TJP1: variants seen among roughly 807,000 people sequenced by gnomAD.
The protein encoded by TJP1 is tight junction protein 1, also known as tight junction protein ZO-1.
TJP1 carries 43 observed loss-of-function variants against 194.2 expected under a neutral mutation model. The observed-to-expected ratio is 0.22, with a 90% CI of 0.17 to 0.29. The LOEUF (loss-of-function observed/expected upper bound fraction) is 0.29. Ranked by LOEUF, TJP1 falls within the 10% of genes least tolerant of loss-of-function variation. TJP1 has a pLI of 1.00. For missense variants in TJP1, 1,971 were observed against 2,185.7 expected (o/e 0.90, Z 1.96); for synonymous variants, 801 against 779.0 (o/e 1.03, Z -0.47).
intron 18 of TJP1, among the ~76,000 whole-genome samples, chr15:29,724,463 T>A (rs948143910): frequency 6.6e-6 from 1 of 152,242 alleles, no homozygotes; most frequent in Non-Finnish European, 1.5e-5. Flanking sequence ...TGGGCAAGAA[T>A]AACTTAGAAC....
At chr15:29,854,455 C>T (rs534811391) in intron 2 of TJP1, among the ~76,000 whole-genome samples, 18 of 152,020 alleles carry the variant, frequency 1.2e-4, no homozygotes, top group Middle Eastern at 3.4e-3. Flanking sequence ...AAGATTGGTC[C>T]GAGACAAAAG....
At chr15:29,722,007 T>C (rs1595625559) in intron 18 of TJP1, among the ~76,000 whole-genome samples, 2 of 152,236 alleles carry the variant, frequency 1.3e-5, no homozygotes, top group Non-Finnish European at 1.5e-5. Context: ...TGTGTTCATA[T>C]GTGTGCACAA....
In TJP1 at chr15:29,918,486, G is replaced by C. The variant is rs148296488; in HGVS notation, c.306+37746C>G. On this transcript the variant is annotated intron_variant, in intron 2 of 28. Coordinates refer to the TJP1 transcript ENST00000356107. ...GCAGTGACTCACGCCTGTAATCCGA[G>C]TACTGTGGGGGACCAAGGCGGGTGG... is the stretch of plus-strand genomic sequence containing the variant. Among the ~76,000 whole-genome samples, 25 of 152,320 alleles carry C rather than the reference G, an allele frequency of 1.6e-4. No homozygotes were observed. In the East Asian group the frequency reaches 1.7e-3, roughly 11 times the overall value.
At chr15:29,800,355 TA>T (rs2048702267) in intron 2 of TJP1, 1 of 352,142 alleles carries the variant, frequency 2.8e-6, no homozygotes, top group Non-Finnish European at 5.0e-6. Flanking sequence ...CAGTTTATAA[TA>T]ATTTATACTA....
At chr15:29,780,960 T>A in intron 2 of TJP1, among the ~76,000 whole-genome samples, 1 of 149,438 alleles carries the variant, frequency 6.7e-6, no homozygotes, top group Non-Finnish European at 1.5e-5. Context: ...GCAAACCAAC[T>A]CCAGAGCTAG....
In TJP1 at chr15:29,718,537, A is replaced by G; in HGVS notation, c.3605T>C (p.Val1202Ala). Residue 1202 changes from valine to alanine, a missense_variant, in exon 21 of 28, where the codon GTA becomes GCA. Physicochemically the swap from Val to Ala is moderately conservative, Grantham distance 64 (BLOSUM62 0). Transcript: ENST00000614355. The stretch of plus-strand genomic sequence containing the variant: ...TCTAGAGGTAAATCCTTGGGGTGGT[A>G]CTTGCTCGTAACTGCGTGAATATTG... ...FEQYSRSYEQVPPQGFTSRAG... is the reference protein window; with the variant it reads ...FEQYSRSYEQAPPQGFTSRAG... The G allele has an allele frequency of 1.2e-6, 2 of 1,614,156 alleles. No individual in the cohort carries two copies.
intron 2 of TJP1, among the ~76,000 whole-genome samples, chr15:29,877,415 C>T (rs2052742278): frequency 6.6e-6 from 1 of 152,204 alleles, no homozygotes; most frequent in Non-Finnish European, 1.5e-5. Flanking sequence ...CAGGGTCTCA[C>T]TTTGTTGCCC....
In TJP1 at chr15:29,719,041, TCTTTGTCTGGC is replaced by T; in HGVS notation, c.3090_3100del (p.Pro1031AlafsTer2). 1 of 1,614,210 alleles carries T rather than the reference TCTTTGTCTGGC, an allele frequency of 6.2e-7. No individual in the cohort carries two copies. Among genetic ancestry groups the T allele is most frequent in the Non-Finnish European group, 8.5e-7 (1 of 1,180,042 alleles). ...TTGGGGTTCATAGGTCAGATTAGGC[TCTTTGTCTGGC>T]CTGTGCCCTGGGTGACTAACGGCTG... On this transcript the variant is annotated frameshift_variant, in exon 21 of 28. Transcript: ENST00000614355. LOFTEE classifies it high-confidence loss of function.
chr15:29,887,446 C>A (rs1327895828), intron 2 of TJP1, among the ~76,000 whole-genome samples: 1 of 151,620 alleles, frequency 6.6e-6, no homozygotes. Context: ...ATTACAGGCA[C>A]GTGCCACCAA....
chr15:29,760,910 A>T (rs987540368), intron 8 of TJP1, among the ~76,000 whole-genome samples: 2 of 152,234 alleles, frequency 1.3e-5, no homozygotes, highest in African/African-American at 4.8e-5. Flanking sequence ...GCAGTTGAGC[A>T]GTGAAAAGAA....
intron 2 of TJP1, among the ~76,000 whole-genome samples, chr15:29,877,187 T>C (rs1357958386): frequency 6.6e-6 from 1 of 152,276 alleles, no homozygotes; most frequent in Non-Finnish European, 1.5e-5. Context: ...AAACTGGTTT[T>C]AACATTTGAC....
At chr15:29,913,233 T>C (rs1243159392) in intron 2 of TJP1, among the ~76,000 whole-genome samples, 2 of 151,968 alleles carry the variant, frequency 1.3e-5, no homozygotes, top group Non-Finnish European at 1.5e-5. Flanking sequence ...AAAGACCAGA[T>C]TAAATACACT....
chr15:29,796,371 C>T (rs1180106582), intron 2 of TJP1, among the ~76,000 whole-genome samples: 1 of 148,352 alleles, frequency 6.7e-6, no homozygotes. Context: ...ACCTGCATTT[C>T]TACACAGTAA....
chr15:29,881,537 T>A (rs1263289669), intron 2 of TJP1, among the ~76,000 whole-genome samples: 1 of 152,210 alleles, frequency 6.6e-6, no homozygotes. Flanking sequence ...TTTACCTTGA[T>A]AGATACTTTA....
At chr15:29,910,831 T>C (rs1377654099) in intron 2 of TJP1, among the ~76,000 whole-genome samples, 6 of 152,200 alleles carry the variant, frequency 3.9e-5, no homozygotes, top group South Asian at 2.1e-4. Flanking sequence ...TTGTCAATTA[T>C]ATGTGATGGG....
chr15:29,838,308 C>A (rs1049872008), intron 2 of TJP1, among the ~76,000 whole-genome samples: 1 of 152,142 alleles, frequency 6.6e-6, no homozygotes, highest in African/African-American at 2.4e-5. Context: ...ATCTATAATT[C>A]CAGCTACTTG....
intron 2 of TJP1, among the ~76,000 whole-genome samples, chr15:29,919,910 T>C (rs1879895): frequency 0.16 from 24,452 of 151,864 alleles, 2,273 homozygotes; most frequent in East Asian, 0.34. Context: ...GTGGGGGAGA[T>C]GACACAAGAC....
chr15:29,968,079 A>C lies in TJP1; in HGVS notation c.173+588T>G. On this transcript the variant is annotated intron_variant, in intron 1 of 28. Transcript: ENST00000356107. ...AGTAAGGTCCAGACATTTTTCTTTA[A>C]GGATGTTTTTTCCTCATTACCTCAG... 6 of 985,426 alleles carry C rather than the reference A, an allele frequency of 6.1e-6. No homozygotes were observed. In the South Asian group the frequency reaches 1.9e-4, roughly 31 times the overall value. 61.0% of individuals were successfully genotyped at this position (985,426 alleles called of 1,614,324 possible).
rs1019962897 is a variant in TJP1, at chr15:29,715,673, G to A, written c.4202+938C>T. Among the ~76,000 whole-genome samples the A allele has an allele frequency of 6.6e-5, 10 of 152,242 alleles. No homozygotes were observed. In the East Asian group the frequency reaches 1.7e-3, roughly 27 times the overall value. On this transcript the variant is annotated intron_variant, in intron 23 of 27. Coordinates refer to ENST00000614355, the MANE Select transcript of TJP1 (RefSeq NM_001330239.4). ...CATGAAGGGATTTTTCAGGTGTAAT[G>A]TCCCCAAGTCAGTTGAGGGGAGATG...
Sources: gnomAD v4.1 joint callset for allele counts (sites outside exome capture counted in the v4.1 genomes callset) on GRCh38, gnomAD v4.1.1 for gene constraint, MANE v1.5 for transcripts, NCBI Gene and HGNC (gene_info 2026-07-23, HGNC 2026-07-21) for gene names.